Variants in NIBAN2 observed in about 807,000 individuals in gnomAD.
The protein encoded by NIBAN2 is protein Niban 2.
In NIBAN2, 36 loss-of-function variants were observed where a neutral mutation model predicts 81.8. That is an observed-to-expected ratio of 0.44 (90% CI 0.34 to 0.58). The LOEUF (loss-of-function observed/expected upper bound fraction) is 0.58, where lower values mean the gene tolerates loss of function less well. Among genes scored for constraint, NIBAN2 ranks in the 20% least tolerant of loss-of-function variants. The pLI is 0.02. For synonymous variants in NIBAN2, 445 were observed against 441.6 expected (o/e 1.01, Z -0.10); for missense variants, 897 against 1,014.1 (o/e 0.88, Z 1.57).
intron 9 of NIBAN2, among the ~76,000 whole-genome samples, chr9:127,509,512 A>C (rs1476928716): frequency 2.0e-5 from 3 of 152,098 alleles, no homozygotes; most frequent in Admixed American, 6.5e-5. Flanking sequence ...CAGGTCTCAG[A>C]TTCTGGGATT....
chr9:127,532,676 C>A (rs547366701), intron 1 of NIBAN2, among the ~76,000 whole-genome samples: 36 of 151,988 alleles, frequency 2.4e-4, no homozygotes, highest in Non-Finnish European at 4.0e-4. Flanking sequence ...GCTCATGCTC[C>A]ATTAAGGAAA....
chr9:127,525,577 G>A (rs1837048082), intron 3 of NIBAN2, among the ~76,000 whole-genome samples: 1 of 152,188 alleles, frequency 6.6e-6, no homozygotes, highest in African/African-American at 2.4e-5. Flanking sequence ...ATAATCTGCA[G>A]TGCCTGGCAC....
intron 1 of NIBAN2, among the ~76,000 whole-genome samples, chr9:127,565,804 G>GT (rs1161066083): frequency 8.4e-6 from 1 of 119,626 alleles, no homozygotes; most frequent in Non-Finnish European, 1.8e-5. Flanking sequence ...AAAAAAAAAA[G>GT]ATGTTAGTTC....
At chr9:127,578,186 A>T (rs1269233896) in intron 1 of NIBAN2, among the ~76,000 whole-genome samples, 2 of 141,826 alleles carry the variant, frequency 1.4e-5, no homozygotes. Flanking sequence ...GCAAGACTCC[A>T]TCTCAAAAAA....
chr9:127,509,867 T>A (rs1180029861), intron 9 of NIBAN2: 2 of 164,234 alleles, frequency 1.2e-5, no homozygotes, highest in Non-Finnish European at 2.5e-5. Flanking sequence ...CCTCCTTCCC[T>A]CTCTTCTGTT....
intron 2 of NIBAN2, among the ~76,000 whole-genome samples, chr9:127,529,543 G>A (rs1837140385): frequency 6.6e-6 from 1 of 152,206 alleles, no homozygotes; most frequent in Non-Finnish European, 1.5e-5. Flanking sequence ...GGGAAGCTGA[G>A]GTATGAGAAT....
At chr9:127,566,682 C>T (rs1837864672) in intron 1 of NIBAN2, among the ~76,000 whole-genome samples, 1 of 152,140 alleles carries the variant, frequency 6.6e-6, no homozygotes, top group South Asian at 2.1e-4. Flanking sequence ...GACATTTCTA[C>T]TGGGGCAGAG....
intron 8 of NIBAN2, among the ~76,000 whole-genome samples, chr9:127,511,220 G>T (rs564801104): frequency 2.0e-5 from 3 of 151,644 alleles, no homozygotes; most frequent in Admixed American, 2.0e-4. Context: ...ATTTTTTTTT[G>T]TATTTTTAGT....
At chr9:127,538,019 T>A (rs1340046269) in intron 1 of NIBAN2, among the ~76,000 whole-genome samples, 1 of 152,174 alleles carries the variant, frequency 6.6e-6, no homozygotes, top group East Asian at 1.9e-4. Context: ...TCTCTATGGG[T>A]ACTGGGCTGC....
Position 127,545,886 on chromosome 9 carries a change from G to A in NIBAN2, c.56-14108C>T, listed in dbSNP as rs979432980. Among the ~76,000 whole-genome samples the A allele has an allele frequency of 8.0e-5, 12 of 150,600 alleles. No homozygotes were observed. Among genetic ancestry groups the A allele is most frequent in the African/African-American group, 9.7e-5 (4 of 41,108 alleles). Reference sequence around the variant, plus strand: ...CTCATCCCCTCCTGCCCCCCACCCCGCCTGCCTGGCAGCGGCCCCAGCCCA... The same window carrying A: ...CTCATCCCCTCCTGCCCCCCACCCCACCTGCCTGGCAGCGGCCCCAGCCCA... On this transcript the variant is annotated intron_variant, in intron 1 of 13. Transcript: ENST00000373312. The surrounding 1 kb of genome is among the most constrained non-coding windows in gnomAD (Gnocchi z 4.7).
rs928681750 is a variant in NIBAN2, at chr9:127,545,070, G to A, written c.56-13292C>T. Among the ~76,000 whole-genome samples, 2 of 152,144 alleles carry A rather than the reference G, an allele frequency of 1.3e-5. No individual in the cohort carries two copies. Among genetic ancestry groups the A allele is most frequent in the Non-Finnish European group, 2.9e-5 (2 of 68,020 alleles). ...GGTGAATGGGGCTTTCACACCCAGCGAACCCAAGCGAACCGCAACCTCAGC... is the reference window on the plus strand; with the variant it reads ...GGTGAATGGGGCTTTCACACCCAGCAAACCCAAGCGAACCGCAACCTCAGC... On this transcript the variant is annotated intron_variant, in intron 1 of 13. Coordinates refer to ENST00000373312, the MANE Select transcript of NIBAN2 (RefSeq NM_022833.4). This position sits in a 1 kb window ranked among gnomAD's most constrained non-coding sequence, Gnocchi z 4.7.
chr9:127,516,772 T>C lies in NIBAN2; in HGVS notation c.973+85A>G, dbSNP rs1836836670. ...AAATGATCAATGAGCAAGTCATTGC[T>C]GTGAAATTTACATGAATCATGAAAT... On this transcript the variant is annotated intron_variant, in intron 8 of 13. Coordinates refer to ENST00000373312, the MANE Select transcript of NIBAN2 (RefSeq NM_022833.4). 2.2e-6 allele frequency: 3 copies of C among 1,370,368 alleles called. No individual in the cohort carries two copies. In the South Asian group the frequency reaches 4.0e-5, roughly 18 times the overall value. The allele number at this position is 1,370,368 out of a possible 1,614,324, so 84.9% of individuals were successfully genotyped here.
In NIBAN2 at chr9:127,533,026, C is replaced by T. The variant is rs577646711; in HGVS notation, c.56-1248G>A. Among the ~76,000 whole-genome samples, 9 of 152,124 alleles carry T rather than the reference C, an allele frequency of 5.9e-5. No individual in the cohort carries two copies. In the East Asian group the frequency reaches 1.6e-3, roughly 26 times the overall value. ...TAGAAAAATTAGCCAGGCATGGTGG[C>T]GGGTACCTGTAATCCCGGCTACTCA... On this transcript the variant is annotated intron_variant, in intron 1 of 13. Transcript: ENST00000373312.
intron 1 of NIBAN2, among the ~76,000 whole-genome samples, chr9:127,576,234 A>G (rs975227992): frequency 2.0e-5 from 3 of 152,060 alleles, no homozygotes; most frequent in Non-Finnish European, 4.4e-5. Flanking sequence ...TCATAGACCT[A>G]TACTGAAACA....
chr9:127,506,753 G>A lies in NIBAN2; in HGVS notation c.*92C>T. Reference sequence around the variant, plus strand: ...GCCCTGCCCCGCCTCCACCCACAAGGCACAGACCAGGGTGCCCTCCCCAGA... The same window carrying A: ...GCCCTGCCCCGCCTCCACCCACAAGACACAGACCAGGGTGCCCTCCCCAGA... On this transcript the variant is annotated 3_prime_UTR_variant, in exon 14 of 14. Transcript: ENST00000373312. The A allele has an allele frequency of 8.0e-7, 1 of 1,242,652 alleles. No individual in the cohort carries two copies. Among genetic ancestry groups the A allele is most frequent in the Non-Finnish European group, 1.1e-6 (1 of 899,204 alleles). The allele number at this position is 1,242,652 out of a possible 1,614,324, so 77.0% of individuals were successfully genotyped here. A position where few individuals can be genotyped will look rare whatever the true frequency, so the allele number is the denominator to read the frequency against.
chr9:127,561,109 T>C, intron 1 of NIBAN2: 2 of 985,194 alleles, frequency 2.0e-6, no homozygotes, highest in Non-Finnish European at 2.4e-6. Context: ...CACTGCCAAA[T>C]GCCAGGCACA....
Position 127,517,086 on chromosome 9 carries a change from C to T in NIBAN2, c.810+26G>A, listed in dbSNP as rs778393965. The T allele has an allele frequency of 3.7e-6, 6 of 1,611,274 alleles. No individual in the cohort carries two copies. The highest frequency in any genetic ancestry group is 2.2e-5 in the South Asian group (2 of 90,916). ...CCGCACCAGCTGCAGGTCCCGTCCCCGCTCCAGGGCCCCAGGCCCACCCAC... is the reference window on the plus strand; with the variant it reads ...CCGCACCAGCTGCAGGTCCCGTCCCTGCTCCAGGGCCCCAGGCCCACCCAC... On this transcript the variant is annotated intron_variant, in intron 7 of 13. Coordinates refer to ENST00000373312, the MANE Select transcript of NIBAN2 (RefSeq NM_022833.4). This position sits in a 1 kb window ranked among gnomAD's most constrained non-coding sequence, Gnocchi z 4.0.
rs1323265705 is a variant in NIBAN2 at position 127,563,102 on chromosome 9, G to C, written c.55+5718C>G. 3.3e-5 allele frequency among the ~76,000 whole-genome samples: 5 copies of C among 152,118 alleles called. No individual in the cohort carries two copies. On this transcript the variant is annotated intron_variant, in intron 1 of 13. Coordinates refer to ENST00000373312, the MANE Select transcript of NIBAN2 (RefSeq NM_022833.4). The surrounding 1 kb of genome is among the most constrained non-coding windows in gnomAD (Gnocchi z 4.1). ...GGGAGGGCAGCCATGGCCCCGCGTG[G>C]GTTTAGAAAGGTCCCTTTGGCAGCG...
At chr9:127,544,606 C>G (rs1299050098) in intron 1 of NIBAN2, among the ~76,000 whole-genome samples, 1 of 152,086 alleles carries the variant, frequency 6.6e-6, no homozygotes, top group Non-Finnish European at 1.5e-5. Flanking sequence ...CAGGTTCAAA[C>G]AATTCTCCTG....
Sources: gnomAD v4.1 joint callset for allele counts (sites outside exome capture counted in the v4.1 genomes callset) on GRCh38, gnomAD v4.1.1 for gene constraint, Gnocchi (gnomAD v3.1) non-coding constraint, MANE v1.5 for transcripts, NCBI Gene and HGNC (gene_info 2026-07-23, HGNC 2026-07-21) for gene names.